The following TRNAU1AP variants were observed in gnomAD, a reference collection of about 807,000 sequenced individuals.
TRNAU1AP encodes tRNA selenocysteine 1 associated protein 1, also known as tRNA selenocysteine 1-associated protein 1.
TRNAU1AP carries 33 observed loss-of-function variants against 43.3 expected under a neutral mutation model. The ratio of observed to expected loss-of-function variants is 0.76; its 90% CI spans 0.58 to 1.02. TRNAU1AP has a LOEUF of 1.02. Among genes scored for constraint, TRNAU1AP ranks in the 50% least tolerant of loss-of-function variants. TRNAU1AP has a pLI of 0.00. For synonymous variants in TRNAU1AP, 143 were observed against 129.1 expected (o/e 1.11, Z -0.73); for missense variants, 290 against 362.7 (o/e 0.80, Z 1.63).
Position 28,577,651 on chromosome 1 carries a change from A to T in TRNAU1AP, c.*15A>T, listed in dbSNP as rs141370554. 7.9e-3 allele frequency: 12,751 copies of T among 1,608,844 alleles called. 69 individuals carry two copies. The highest frequency in any genetic ancestry group is 9.8e-3 in the Non-Finnish European group (11,530 of 1,177,840). ...CCATGATGTAGCCAGGCCAAAGGAC[A>T]AGCCAGGTTGCATGATGTGAGGGAG... On this transcript the variant is annotated 3_prime_UTR_variant, in exon 9 of 9. Coordinates refer to ENST00000373830, the MANE Select transcript of TRNAU1AP (RefSeq NM_017846.5).
chr1:28,553,515 C>A, intron 1 of TRNAU1AP, 125 bp from the exon 2 acceptor site: 1 of 885,574 alleles, frequency 1.1e-6, no homozygotes, highest in South Asian at 1.6e-5. Context: ...TCAGTGGAGG[C>A]GAACCTCGCC....
chr1:28,574,954 A>G (rs1265381407), intron 8 of TRNAU1AP, among the ~76,000 whole-genome samples: 1 of 143,196 alleles, frequency 7.0e-6, no homozygotes, highest in East Asian at 2.0e-4. Context: ...GCTCCATTTC[A>G]CAGATGGGAA....
At chr1:28,566,043 G>A (rs1329716253) in intron 5 of TRNAU1AP, among the ~76,000 whole-genome samples, 1 of 152,120 alleles carries the variant, frequency 6.6e-6, no homozygotes, top group Admixed American at 6.6e-5. Flanking sequence ...CAGGCTGGGT[G>A]CGGTGGCTCA....
intron 7 of TRNAU1AP, 135 bp from the exon 8 acceptor site, chr1:28,571,732 G>T: frequency 1.5e-6 from 1 of 670,528 alleles, no homozygotes; most frequent in East Asian, 2.5e-5. Context: ...GCAGTGAGCC[G>T]AGATCACGCC....
At chr1:28,563,470 G>A (rs915986576) in intron 4 of TRNAU1AP, among the ~76,000 whole-genome samples, 1 of 151,960 alleles carries the variant, frequency 6.6e-6, no homozygotes, top group Non-Finnish European at 1.5e-5. Flanking sequence ...ATCACCTGCG[G>A]TCGGGAGTTC....
chr1:28,563,552 C>G (rs528222251), intron 4 of TRNAU1AP, among the ~76,000 whole-genome samples: 1 of 151,978 alleles, frequency 6.6e-6, no homozygotes, highest in Non-Finnish European at 1.5e-5. Context: ...GGCGTAGTGG[C>G]GGGCACCTGT....
Position 28,564,787 on chromosome 1 carries a change from C to A in TRNAU1AP, c.363C>A (p.Pro121=). The change falls in exon 5 of 9, where the codon CCC becomes CCA. Residue 121 remains proline (P), a synonymous_variant. Transcript: ENST00000373830. ...ATGAATTCTTCGTCAAAGTCTACCCCTCCTGTCGGGGAGGCAAGGTGGTTT... is the reference window on the plus strand; with the variant it reads ...ATGAATTCTTCGTCAAAGTCTACCCATCCTGTCGGGGAGGCAAGGTGGTTT... The part of the protein sequence containing the change: ...MLYEFFVKVY[P]SCRGGKVVLD... 8 of 1,614,174 alleles carry A rather than the reference C, an allele frequency of 5.0e-6. No individual in the cohort carries two copies. Among genetic ancestry groups the A allele is most frequent in the Non-Finnish European group, 6.8e-6 (8 of 1,180,026 alleles).
chr1:28,573,126 C>A (rs1209506280), intron 8 of TRNAU1AP, among the ~76,000 whole-genome samples: 1 of 148,304 alleles, frequency 6.7e-6, no homozygotes, highest in African/African-American at 2.4e-5. Context: ...GCCCGCCTCC[C>A]GGGTGCAAGT....
rs150139560 is a variant in TRNAU1AP at position 28,565,108 on chromosome 1, T to C, written c.410+274T>C. 758 of 414,722 alleles carry C rather than the reference T, an allele frequency of 1.8e-3. 7 individuals carry two copies. Among genetic ancestry groups the C allele is most frequent in the African/African-American group, 0.014 (693 of 47,868 alleles). The allele number at this position is 414,722 out of a possible 1,614,324, so 25.7% of individuals were successfully genotyped here. On this transcript the variant is annotated intron_variant, in intron 5 of 8. Coordinates refer to ENST00000373830, the MANE Select transcript of TRNAU1AP (RefSeq NM_017846.5). Reference sequence around the variant, plus strand: ...GATGTAAGGATTAAAGGATATAATATAAGTAAGTCACATTTGAAATGCTTT... The same window carrying C: ...GATGTAAGGATTAAAGGATATAATACAAGTAAGTCACATTTGAAATGCTTT...
chr1:28,554,562 C>T (rs1665211082), intron 2 of TRNAU1AP, among the ~76,000 whole-genome samples: 1 of 152,046 alleles, frequency 6.6e-6, no homozygotes, highest in South Asian at 2.1e-4. Flanking sequence ...CAATAAATAG[C>T]CGGGCGCAGT....
In TRNAU1AP at chr1:28,571,715, G is replaced by A. The variant is rs910121425; in HGVS notation, c.694-152G>A. On this transcript the variant is annotated intron_variant, in intron 7 of 8. Transcript: ENST00000373830. ...GGAGAATCTCTTGAAACTGGGATGC[G>A]GGTGTTGCAGTGAGCCGAGATCACG... 10 of 603,222 alleles carry A rather than the reference G, an allele frequency of 1.7e-5. No individual in the cohort carries two copies. In the East Asian group the frequency reaches 1.8e-4, roughly 11 times the overall value. The allele number at this position is 603,222 out of a possible 1,614,324, so 37.4% of individuals were successfully genotyped here. A position where few individuals can be genotyped will look rare whatever the true frequency, so the allele number is the denominator to read the frequency against.
chr1:28,568,819 T>C (rs1320139469), intron 6 of TRNAU1AP, among the ~76,000 whole-genome samples: 2 of 151,854 alleles, frequency 1.3e-5, no homozygotes, highest in African/African-American at 2.4e-5. Context: ...AACTATTTTT[T>C]TTTTTTTTTT....
chr1:28,567,791 T>C (rs1293939014), intron 6 of TRNAU1AP, among the ~76,000 whole-genome samples: 1 of 152,140 alleles, frequency 6.6e-6, no homozygotes, highest in Non-Finnish European at 1.5e-5. Context: ...ATTACTTCCA[T>C]TTTTAGCCTT....
At chr1:28,564,926 C>A in intron 5 of TRNAU1AP, 92 bp downstream of exon 5, 1 of 1,496,180 alleles carries the variant, frequency 6.7e-7, no homozygotes, top group East Asian at 2.3e-5. Flanking sequence ...TGCAGCATGG[C>A]GATTAAGACC....
In TRNAU1AP at chr1:28,575,856, C is replaced by CTT. The variant is rs34983069; in HGVS notation, c.728-1623_728-1622dup. ...TACAGGCTTGAGCCACTGCGCCTGG[C>CTT]TTTTTTTTTTTTTTTTTTTTTTGAG... On this transcript the variant is annotated intron_variant, in intron 8 of 8. Transcript: ENST00000373830. 5.0e-3 allele frequency among the ~76,000 whole-genome samples: 301 copies of CTT among 60,708 alleles called. 8 individuals carry two copies. Among genetic ancestry groups the CTT allele is most frequent in the Non-Finnish European group, 5.9e-3 (192 of 32,292 alleles). The allele number at this position is 60,708 out of a possible 152,430, so 39.8% of individuals were successfully genotyped here.
chr1:28,571,988 G>C, intron 8 of TRNAU1AP, 88 bp downstream of exon 8: 1 of 1,156,974 alleles, frequency 8.6e-7, no homozygotes, highest in Non-Finnish European at 1.3e-6. Flanking sequence ...GGGAAGACAA[G>C]ATAAATTCTG....
At chr1:28,567,261 T>A (rs1665561892) in intron 5 of TRNAU1AP, 33 bp from the exon 6 acceptor site, 1 of 1,608,482 alleles carries the variant, frequency 6.2e-7, no homozygotes, top group African/African-American at 1.3e-5. Context: ...TTAATCACAT[T>A]TGTGATCTAA....
chr1:28,573,522 C>T (rs1665708730), intron 8 of TRNAU1AP, among the ~76,000 whole-genome samples: 1 of 151,942 alleles, frequency 6.6e-6, no homozygotes, highest in Admixed American at 6.6e-5. Context: ...CCTGTACTCC[C>T]AGCACTTTGG....
rs1250473238 is a variant in TRNAU1AP at position 28,564,766 on chromosome 1, A to G, written c.342A>G (p.Glu114=). 26 of 1,613,984 alleles carry G rather than the reference A, an allele frequency of 1.6e-5. No individual in the cohort carries two copies. The highest frequency in any genetic ancestry group is 2.2e-5 in the Non-Finnish European group (26 of 1,180,032). Residue 114 remains glutamate (E), a synonymous_variant, in exon 5 of 9, where the codon GAA becomes GAG. Coordinates refer to ENST00000373830, the MANE Select transcript of TRNAU1AP (RefSeq NM_017846.5). ...ACGTGGATGATGGCATGCTGTATGA[A>G]TTCTTCGTCAAAGTCTACCCCTCCT... The part of the protein sequence containing the change: ...TPDVDDGMLY[E]FFVKVYPSCR...
Sources: allele counts gnomAD v4.1 joint callset (sites outside exome capture counted in the v4.1 genomes callset), GRCh38; gene constraint gnomAD v4.1.1; transcripts MANE v1.5; gene names NCBI Gene and HGNC (gene_info 2026-07-23, HGNC 2026-07-21).